The following TNRC6B variants were observed in gnomAD, a reference collection of about 807,000 sequenced individuals.
TNRC6B encodes the protein trinucleotide repeat containing adaptor 6B, also known as trinucleotide repeat-containing gene 6B protein.
In TNRC6B, 52 loss-of-function variants were observed where a neutral mutation model predicts 203.6. The ratio of observed to expected loss-of-function variants is 0.26; its 90% CI spans 0.20 to 0.32. TNRC6B has a LOEUF of 0.32. TNRC6B is among the 10% of genes least tolerant of loss of function. The pLI is 1.00. For synonymous variants in TNRC6B, 838 were observed against 845.7 expected (o/e 0.99, Z 0.16); for missense variants, 1,923 against 2,286.2 (o/e 0.84, Z 3.24).
rs2070483990 is a variant in TNRC6B at position 40,266,591 on chromosome 22, C to T, written c.2361C>T (p.Gly787=). 2 of 1,612,174 alleles carry T rather than the reference C, an allele frequency of 1.2e-6. No homozygotes were observed. The highest frequency in any genetic ancestry group is 1.3e-5 in the African/African-American group (1 of 74,842). Residue 787 remains glycine, a synonymous_variant, in exon 5 of 23, where the codon GGC becomes GGT. Coordinates refer to ENST00000454349, the MANE Select transcript of TNRC6B (RefSeq NM_001162501.2). The part of the protein sequence containing the change: ...QNEIGTWGNG[G]NASLASKGGW... ...AAATCGGGACTTGGGGTAATGGTGG[C>T]AATGCAAGCCTAGCTTCAAAAGGTG... is the stretch of plus-strand genomic sequence containing the variant.
chr22:40,226,799 C>G (rs970712983), intron 1 of TNRC6B, among the ~76,000 whole-genome samples: 1 of 152,174 alleles, frequency 6.6e-6, no homozygotes, highest in East Asian at 1.9e-4. Context: ...CTGACAGAGA[C>G]TTGGTCATTG....
chr22:40,171,890 C>T (rs713658), intron 4 of TNRC6B, among the ~76,000 whole-genome samples: 103,109 of 151,852 alleles, frequency 0.68, 36,753 homozygotes, highest in African/African-American at 0.9. Flanking sequence ...TGATGGAGTA[C>T]CTCTCTGTTG....
At chr22:40,071,216 A>G (rs1336416260) in intron 1 of TNRC6B, among the ~76,000 whole-genome samples, 3 of 151,950 alleles carry the variant, frequency 2.0e-5, no homozygotes, top group Non-Finnish European at 4.4e-5. Context: ...AAAGCTCAAT[A>G]CCTTAGGCAG....
At chr22:40,114,588 GA>G (rs2068370655) in intron 1 of TNRC6B, among the ~76,000 whole-genome samples, 1 of 152,148 alleles carries the variant, frequency 6.6e-6, no homozygotes, top group African/African-American at 2.4e-5. Context: ...CTCTCAAAGT[GA>G]AGTGCTAGGA....
intron 4 of TNRC6B, among the ~76,000 whole-genome samples, chr22:40,169,227 G>A (rs1040674788): frequency 1.3e-5 from 2 of 150,966 alleles, no homozygotes; most frequent in African/African-American, 4.9e-5. Flanking sequence ...TGCCTCCCGG[G>A]TTCAAGCTAT....
intron 1 of TNRC6B, among the ~76,000 whole-genome samples, chr22:40,243,322 T>A (rs1280372259): frequency 4.4e-4 from 67 of 152,196 alleles, no homozygotes; most frequent in Admixed American, 4.4e-3. Flanking sequence ...TTTGGCAAAG[T>A]AGATTCTTCC....
At chr22:40,192,139 C>T (rs2069282793) in intron 1 of TNRC6B, among the ~76,000 whole-genome samples, 1 of 152,180 alleles carries the variant, frequency 6.6e-6, no homozygotes, top group Non-Finnish European at 1.5e-5. Context: ...AGATAAGATC[C>T]AGCTGTGATT....
chr22:40,315,402 C>T lies in TNRC6B; in HGVS notation c.4798C>T (p.Arg1600Cys), dbSNP rs377568386. The T allele has an allele frequency of 1.2e-6, 2 of 1,613,996 alleles. No individual in the cohort carries two copies. The highest frequency in any genetic ancestry group is 8.5e-7 in the Non-Finnish European group (1 of 1,179,894). ...CTCCAGGAACACTACACCGCTGCCC[C>T]GCCCACCTCCTGGTCTGACCAACCC... ...ISSRNTTPLP[R>C]PPPGLTNPKP... The change falls in exon 20 of 23, where the codon CGC becomes TGC. Residue 1600 changes from arginine (R) to cysteine (C), a missense_variant. Coordinates refer to ENST00000454349, the MANE Select transcript of TNRC6B (RefSeq NM_001162501.2).
intron 1 of TNRC6B, among the ~76,000 whole-genome samples, chr22:40,204,150 T>C (rs1287549290): frequency 6.6e-6 from 1 of 152,260 alleles, no homozygotes; most frequent in African/African-American, 2.4e-5. Flanking sequence ...CTTTAATTTT[T>C]AGAGGATATG....
intron 3 of TNRC6B, among the ~76,000 whole-genome samples, chr22:40,129,418 T>A (rs2146327137): frequency 6.6e-6 from 1 of 152,250 alleles, no homozygotes; most frequent in African/African-American, 2.4e-5. Flanking sequence ...CGTGCAGCTG[T>A]TCGGGTAGGA....
At chr22:40,062,482 T>G (rs995767469) in intron 1 of TNRC6B, among the ~76,000 whole-genome samples, 1 of 152,222 alleles carries the variant, frequency 6.6e-6, no homozygotes, top group African/African-American at 2.4e-5. Flanking sequence ...GTCCTGTGAT[T>G]ACAGGTGTGA....
chr22:40,230,473 G>A (rs1037339178), intron 1 of TNRC6B, among the ~76,000 whole-genome samples: 7 of 151,398 alleles, frequency 4.6e-5, no homozygotes, highest in African/African-American at 9.7e-5. Context: ...TGTTTTTTTA[G>A]TAACAATGGG....
chr22:40,240,176 C>T (rs1422007975), intron 1 of TNRC6B, among the ~76,000 whole-genome samples: 1 of 152,140 alleles, frequency 6.6e-6, no homozygotes, highest in African/African-American at 2.4e-5. Context: ...TTCTACTTTT[C>T]TCTACTATTA....
At chr22:40,223,526 A>G (rs531491068) in intron 1 of TNRC6B, among the ~76,000 whole-genome samples, 11 of 152,318 alleles carry the variant, frequency 7.2e-5, no homozygotes, top group Admixed American at 1.3e-4. Flanking sequence ...GATATCATCA[A>G]GTACACATTT....
chr22:40,331,361 G>A lies in TNRC6B; in HGVS notation c.*8120G>A, dbSNP rs2146593717. The A allele has an allele frequency of 4.3e-6, 1 of 232,938 alleles. No individual in the cohort carries two copies. The highest frequency in any genetic ancestry group is 5.7e-5 in the Admixed American group (1 of 17,644). 14.4% of individuals were successfully genotyped at this position (232,938 alleles called of 1,614,324 possible). On this transcript the variant is annotated 3_prime_UTR_variant, in exon 23 of 23. Coordinates refer to ENST00000454349, the MANE Select transcript of TNRC6B (RefSeq NM_001162501.2). Reference sequence around the variant, plus strand: ...TTATAGTTGAACACAGAAATCTGCAGTGTCTTTATTTGTTTTTATGTTTTA... The same window carrying A: ...TTATAGTTGAACACAGAAATCTGCAATGTCTTTATTTGTTTTTATGTTTTA...
intron 5 of TNRC6B, among the ~76,000 whole-genome samples, chr22:40,268,394 G>C (rs1198197817): frequency 1.3e-5 from 2 of 152,094 alleles, no homozygotes; most frequent in African/African-American, 2.4e-5. Flanking sequence ...CCAAGAATCA[G>C]TTTTCTCCGA....
chr22:40,163,568 G>C (rs2068891341), intron 4 of TNRC6B, among the ~76,000 whole-genome samples: 1 of 149,218 alleles, frequency 6.7e-6, no homozygotes, highest in African/African-American at 2.5e-5. Context: ...TTCAAGACCA[G>C]CCTGGCCAAC....
chr22:40,300,072 G>A (rs541774784), intron 12 of TNRC6B, among the ~76,000 whole-genome samples: 2 of 152,184 alleles, frequency 1.3e-5, no homozygotes, highest in Admixed American at 6.5e-5. Flanking sequence ...ATACTTTCAC[G>A]TAAGTATTAT....
intron 4 of TNRC6B, among the ~76,000 whole-genome samples, chr22:40,167,394 A>G (rs929484820): frequency 5.3e-5 from 8 of 152,152 alleles, no homozygotes; most frequent in Non-Finnish European, 1.2e-4. Context: ...TTAGAGACAG[A>G]AAGTAGAATG....
Sources: allele counts gnomAD v4.1 joint callset (sites outside exome capture counted in the v4.1 genomes callset), GRCh38; gene constraint gnomAD v4.1.1; transcripts MANE v1.5; gene names NCBI Gene and HGNC (gene_info 2026-07-23, HGNC 2026-07-21).